The following PALS1 variants were observed in gnomAD, a reference collection of about 807,000 sequenced individuals.
PALS1 encodes the protein protein PALS1.
A neutral mutation model predicts 78.9 loss-of-function variants in PALS1; 31 were observed. The observed-to-expected ratio is 0.39, with a 90% CI of 0.30 to 0.53. The LOEUF (loss-of-function observed/expected upper bound fraction) is 0.53, where lower values mean the gene tolerates loss of function less well. Ranked by LOEUF, PALS1 falls within the 20% of genes least tolerant of loss-of-function variation. The probability of loss-of-function intolerance (pLI) is 0.67; values close to 1 mark genes in which losing one functional copy is unlikely to be tolerated. For missense variants in PALS1, 704 were observed against 826.5 expected, an observed-to-expected ratio of 0.85 and a Z score of 1.82; for synonymous variants, 276 against 270.9, an observed-to-expected ratio of 1.02 and a Z score of -0.18.
intron 9 of PALS1, among the ~76,000 whole-genome samples, chr14:67,316,111 A>G (rs1400358016): frequency 6.6e-6 from 1 of 152,238 alleles, no homozygotes; most frequent in Non-Finnish European, 1.5e-5. Context: ...ATAAAATAAA[A>G]AAGTGGAACC....
At position 67,303,561 on chromosome 14, in the gene PALS1, A is replaced by G. The variant is rs771527909; in HGVS notation, c.1003A>G (p.Ser335Gly). 6 of 1,613,884 alleles carry G rather than the reference A, an allele frequency of 3.7e-6. No individual in the cohort carries two copies. The highest frequency in any genetic ancestry group is 5.1e-6 in the Non-Finnish European group (6 of 1,179,796). Residue 335 changes from serine to glycine, a missense_variant, in exon 8 of 15, where the codon AGT becomes GGT. Ser to Gly is a moderately conservative substitution (Grantham distance 56). Transcript: ENST00000261681. ...TACTTTGACTTTTGTCCTGATTCCC[A>G]GTCAACAGATCAAGCCGCCTCCTGC... ...HGTLTFVLIP[S>G]QQIKPPPAKE...
chr14:67,276,449 T>C (rs1167428949), intron 2 of PALS1, among the ~76,000 whole-genome samples: 2 of 152,202 alleles, frequency 1.3e-5, no homozygotes, highest in Non-Finnish European at 2.9e-5. Flanking sequence ...TGTATCCTTA[T>C]GTTTTGAGTG....
intron 14 of PALS1, among the ~76,000 whole-genome samples, chr14:67,329,078 A>G (rs2085402357): frequency 6.6e-6 from 1 of 152,118 alleles, no homozygotes; most frequent in Non-Finnish European, 1.5e-5. Flanking sequence ...CAGTATGGCC[A>G]TTTTCACAAT....
At chr14:67,329,360 G>C (rs2085405991) in intron 14 of PALS1, among the ~76,000 whole-genome samples, 1 of 152,184 alleles carries the variant, frequency 6.6e-6, no homozygotes, top group African/African-American at 2.4e-5. Context: ...TTGCTTATCA[G>C]CTTAAGGAGA....
intron 2 of PALS1, among the ~76,000 whole-genome samples, chr14:67,273,749 AGT>A (rs2084453391): frequency 1.3e-5 from 2 of 152,226 alleles, no homozygotes; most frequent in Non-Finnish European, 2.9e-5. Flanking sequence ...ACAGTGTAAA[AGT>A]GTTCCTGTTT....
At chr14:67,300,270 C>T (rs1480661942) in intron 4 of PALS1, among the ~76,000 whole-genome samples, 1 of 151,232 alleles carries the variant, frequency 6.6e-6, no homozygotes, top group Non-Finnish European at 1.5e-5. Flanking sequence ...AGGAAAATTA[C>T]TGATAAAATG....
At chr14:67,283,740 G>A (rs1000001299) in intron 3 of PALS1, among the ~76,000 whole-genome samples, 1 of 152,108 alleles carries the variant, frequency 6.6e-6, no homozygotes, top group African/African-American at 2.4e-5. Context: ...ATTCATTAGA[G>A]TATATGTATA....
At chr14:67,329,875 T>G in intron 14 of PALS1, among the ~76,000 whole-genome samples, 1 of 118,408 alleles carries the variant, frequency 8.4e-6, no homozygotes, top group East Asian at 4.8e-4. Flanking sequence ...AATAAATAAA[T>G]AAATAGATAT....
At chr14:67,284,429 T>TAAAAAA (rs530863294) in intron 3 of PALS1, among the ~76,000 whole-genome samples, 1 of 92,678 alleles carries the variant, frequency 1.1e-5, no homozygotes. Context: ...CCCTATCTCT[T>TAAAAAA]AAAAAAAAAA....
At chr14:67,327,645 C>A (rs935171989) in intron 14 of PALS1, among the ~76,000 whole-genome samples, 1 of 152,068 alleles carries the variant, frequency 6.6e-6, no homozygotes, top group Non-Finnish European at 1.5e-5. Flanking sequence ...CCCTCTCCCC[C>A]CACCCCACAA....
intron 9 of PALS1, among the ~76,000 whole-genome samples, chr14:67,313,553 G>C (rs73282772): frequency 0.15 from 23,453 of 151,998 alleles, 3,391 homozygotes; most frequent in East Asian, 0.42. Flanking sequence ...GTAGAATAAA[G>C]AAAGGAGAGC....
chr14:67,279,362 G>A lies in PALS1; in HGVS notation c.192G>A (p.Glu64=). 3 of 1,613,872 alleles carry A rather than the reference G, an allele frequency of 1.9e-6. No individual in the cohort carries two copies. The highest frequency in any genetic ancestry group is 2.2e-5 in the East Asian group (1 of 44,860). ...TGGAGCGTATTCGGCAACAACAGGA[G>A]GACATGAGGCGTAGGAGAGAGGAAG... The part of the protein sequence containing the change: ...AQLERIRQQQ[E]DMRRRREEEG... The change falls in exon 3 of 15, where the codon GAG becomes GAA. Residue 64 remains glutamate, a synonymous_variant. Transcript: ENST00000261681.
intron 14 of PALS1, among the ~76,000 whole-genome samples, chr14:67,330,252 A>G (rs527644586): frequency 6.6e-6 from 1 of 151,226 alleles, no homozygotes; most frequent in South Asian, 2.1e-4. Flanking sequence ...TATTTAATTC[A>G]TTTCTTTTTA....
chr14:67,264,931 CAT>C (rs201146456), intron 1 of PALS1, among the ~76,000 whole-genome samples: 2,945 of 152,120 alleles, frequency 0.019, 38 homozygotes, highest in Middle Eastern at 0.034. Context: ...TGTCAGGAAT[CAT>C]ATTTTTTTTT....
At chr14:67,256,792 CTA>C (rs2084151682) in intron 1 of PALS1, among the ~76,000 whole-genome samples, 1 of 125,606 alleles carries the variant, frequency 8.0e-6, no homozygotes, top group Admixed American at 8.6e-5. Context: ...GTTCCAGAAA[CTA>C]TTGACACACA....
chr14:67,314,760 G>A (rs1186958450), intron 9 of PALS1, among the ~76,000 whole-genome samples: 2 of 152,138 alleles, frequency 1.3e-5, no homozygotes, highest in South Asian at 2.1e-4. Context: ...AGAGTTTGAC[G>A]ATGGCTTTCC....
At chr14:67,256,021 A>G (rs950831208) in intron 1 of PALS1, among the ~76,000 whole-genome samples, 1 of 152,192 alleles carries the variant, frequency 6.6e-6, no homozygotes, top group African/African-American at 2.4e-5. Context: ...TGTAATTTAA[A>G]GTTTCAATAT....
At chr14:67,305,264 A>G (rs1284723545) in intron 8 of PALS1, among the ~76,000 whole-genome samples, 1 of 152,166 alleles carries the variant, frequency 6.6e-6, no homozygotes, top group East Asian at 1.9e-4. Context: ...GTCTTTTGAG[A>G]ATAAATGTCA....
At chr14:67,251,785 T>C (rs935987284) in intron 1 of PALS1, among the ~76,000 whole-genome samples, 8 of 152,210 alleles carry the variant, frequency 5.3e-5, no homozygotes, top group Admixed American at 2.0e-4. Context: ...AGAGCATCTT[T>C]TGTTTCAGTG....
Sources: allele counts gnomAD v4.1 joint callset (sites outside exome capture counted in the v4.1 genomes callset), GRCh38; gene constraint gnomAD v4.1.1; transcripts MANE v1.5; gene names NCBI Gene and HGNC (gene_info 2026-07-23, HGNC 2026-07-21).